HDAC9: variants seen among roughly 807,000 people sequenced by gnomAD.
The protein encoded by HDAC9 is histone deacetylase 9, also known as MEF-2 interacting transcription repressor (MITR) protein.
Under a neutral mutation model 139.4 loss-of-function variants are expected in HDAC9, and 41 were observed. The observed-to-expected ratio is 0.29, with a 90% confidence interval of 0.23 to 0.38. The LOEUF (loss-of-function observed/expected upper bound fraction) is 0.38. Ranked by LOEUF, HDAC9 falls within the 10% of genes least tolerant of loss-of-function variation. The probability of loss-of-function intolerance (pLI) is 1.00; values close to 1 mark genes in which losing one functional copy is unlikely to be tolerated. For missense variants in HDAC9, 1,147 were observed against 1,297.0 expected (o/e 0.88, Z 1.78); for synonymous variants, 517 against 476.2 (o/e 1.09, Z -1.12).
intron 1 of HDAC9, among the ~76,000 whole-genome samples, chr7:18,330,710 GA>G (rs1800854971): frequency 6.6e-6 from 1 of 151,596 alleles, no homozygotes; most frequent in Non-Finnish European, 1.5e-5. Flanking sequence ...ATCCCAGAGT[GA>G]ATTTTTGTAG....
rs536642090 is a variant in HDAC9, at chr7:18,232,337, T to C, written c.25+69988T>C. Among the ~76,000 whole-genome samples, 22 of 152,290 alleles carry C rather than the reference T, an allele frequency of 1.4e-4. 1 individual carries two copies. In the South Asian group the frequency reaches 4.4e-3, roughly 30 times the overall value. On this transcript the variant is annotated intron_variant, in intron 2 of 12. Transcript: ENST00000417496. ...GTAATTATAGCCTTTTATGATAGTC[T>C]GTTTCTTTCCTTGTTACTGTAGTCC...
At chr7:18,777,867 A>T (rs1422047352) in intron 16 of HDAC9, among the ~76,000 whole-genome samples, 8 of 152,096 alleles carry the variant, frequency 5.3e-5, no homozygotes, top group Middle Eastern at 3.4e-3. Flanking sequence ...AAGAGGGCTG[A>T]TTCACAGCCT....
intron 25 of HDAC9, among the ~76,000 whole-genome samples, chr7:18,987,368 T>G (rs1785451190): frequency 6.6e-6 from 1 of 152,246 alleles, no homozygotes; most frequent in Admixed American, 6.5e-5. Context: ...CTGGATTACA[T>G]TTATTGATTT....
intron 1 of HDAC9, among the ~76,000 whole-genome samples, chr7:18,118,635 A>G (rs1445271896): frequency 6.6e-6 from 1 of 152,212 alleles, no homozygotes. Context: ...CATTATGTAC[A>G]GCAGACTATC....
intron 1 of HDAC9, among the ~76,000 whole-genome samples, chr7:18,367,539 C>T (rs1439860516): frequency 1.3e-5 from 2 of 152,088 alleles, no homozygotes; most frequent in African/African-American, 4.8e-5. Flanking sequence ...TTTTTAACTG[C>T]ACTTTAATAT....
chr7:18,648,549 C>T lies in HDAC9; in HGVS notation c.1333C>T (p.Arg445Cys), dbSNP rs780726735. 12 of 1,613,548 alleles carry T rather than the reference C, an allele frequency of 7.4e-6. No individual in the cohort carries two copies. The highest frequency in any genetic ancestry group is 1.3e-5 in the African/African-American group (1 of 74,976). The change falls in exon 11 of 26, where the codon CGT (arginine) becomes TGT (cysteine). Residue 445 changes from arginine to cysteine, a missense_variant. Arg to Cys is a radical substitution (Grantham distance 180). Around this residue, in one of 7 missense-constraint regions of HDAC9, gnomAD observed 264 missense variants for 273.8 expected, o/e 0.96. Coordinates refer to ENST00000686413, the MANE Select transcript of HDAC9 (RefSeq NM_178425.4). ...CATTAGAGGTACCCACAAATTGCCC[C>T]GTCACAGACCCCTGAACCGAACCCA... ...PGIRGTHKLP[R>C]HRPLNRTQSA...
At chr7:18,496,158 G>T (rs187496108) in intron 1 of HDAC9, 104 bp from the exon 2 acceptor site, 1 of 1,428,380 alleles carries the variant, frequency 7.0e-7, no homozygotes, top group Admixed American at 1.9e-5. Flanking sequence ...GGTAGCTCCT[G>T]GGGCCGGTGC....
intron 11 of HDAC9, among the ~76,000 whole-genome samples, chr7:18,664,277 A>G (rs1330414656): frequency 1.3e-5 from 2 of 152,152 alleles, no homozygotes; most frequent in Non-Finnish European, 2.9e-5. Flanking sequence ...CCCAGTAACA[A>G]TGGATGTTAG....
chr7:18,419,080 A>G (rs182512630), intron 1 of HDAC9, among the ~76,000 whole-genome samples: 56 of 152,276 alleles, frequency 3.7e-4, no homozygotes, highest in Admixed American at 1.6e-3. Context: ...CATATAGAAG[A>G]TATGGAAATC....
chr7:18,912,137 AT>A lies in HDAC9; in HGVS notation c.2804-23671del, dbSNP rs371704081. 1.9e-4 allele frequency among the ~76,000 whole-genome samples: 29 copies of A among 152,152 alleles called. No individual in the cohort carries two copies. In the East Asian group the frequency reaches 2.7e-3, roughly 14 times the overall value. ...GGATATCTCTCTCTCTTTACATAGA[AT>A]AATATTTGCTTTACGTATCTGGGTG... is the stretch of plus-strand genomic sequence containing the variant. On this transcript the variant is annotated intron_variant, in intron 22 of 25. Transcript: ENST00000686413.
chr7:18,783,226 T>G (rs1156239562), intron 16 of HDAC9, among the ~76,000 whole-genome samples: 1 of 152,118 alleles, frequency 6.6e-6, no homozygotes, highest in Non-Finnish European at 1.5e-5. Flanking sequence ...TTTCTAATTT[T>G]ACTTCTGGCT....
At chr7:18,831,796 CA>C (rs140010219) in intron 19 of HDAC9, among the ~76,000 whole-genome samples, 5 of 142,350 alleles carry the variant, frequency 3.5e-5, no homozygotes, top group South Asian at 2.3e-4. Context: ...TTTCCGTAGC[CA>C]AAAAAAAAAC....
chr7:18,932,562 G>A (rs897316639), intron 22 of HDAC9, among the ~76,000 whole-genome samples: 8 of 152,008 alleles, frequency 5.3e-5, no homozygotes, highest in Admixed American at 6.6e-5. Flanking sequence ...ATAATCTACT[G>A]CATATTGCAA....
chr7:18,451,423 A>ATATATATATGTGTGTGTGTGTG (rs1792843337), intron 1 of HDAC9, among the ~76,000 whole-genome samples: 2 of 134,328 alleles, frequency 1.5e-5, no homozygotes, highest in African/African-American at 5.8e-5. Context: ...GTGTGTGTGT[A>ATATATATATGTGTGTGTGTGTG]TATATATGTG....
At chr7:18,364,342 G>A (rs1344213799) in intron 1 of HDAC9, among the ~76,000 whole-genome samples, 3 of 151,936 alleles carry the variant, frequency 2.0e-5, no homozygotes, top group Middle Eastern at 3.2e-3. Flanking sequence ...TAAGGTCTGC[G>A]GCACCGGCAT....
chr7:18,879,584 G>A (rs1286693468), intron 22 of HDAC9, among the ~76,000 whole-genome samples: 1 of 152,054 alleles, frequency 6.6e-6, no homozygotes, highest in Admixed American at 6.6e-5. Flanking sequence ...TTCAATAAAT[G>A]GTACTGAGAT....
At chr7:18,644,450 A>G (rs574245842) in intron 8 of HDAC9, among the ~76,000 whole-genome samples, 24 of 152,146 alleles carry the variant, frequency 1.6e-4, no homozygotes, top group Non-Finnish European at 2.9e-4. Flanking sequence ...TGAATTTGCA[A>G]AAAATGAACA....
chr7:18,668,749 CTTGTT>C, intron 12 of HDAC9: 1 of 980,140 alleles, frequency 1.0e-6, no homozygotes, highest in Non-Finnish European at 1.2e-6. Flanking sequence ...AAGGTGATCT[CTTGTT>C]TTGTGTTGTA....
chr7:18,669,468 C>G (rs1795532118), intron 12 of HDAC9, among the ~76,000 whole-genome samples: 1 of 151,784 alleles, frequency 6.6e-6, no homozygotes, highest in South Asian at 2.1e-4. Context: ...TATTCTAAGT[C>G]ACATCAGTAT....
Sources: gnomAD v4.1 joint callset for allele counts (sites outside exome capture counted in the v4.1 genomes callset) on GRCh38, gnomAD v4.1.1 for gene constraint, gnomAD v4.1.1 regional missense constraint, MANE v1.5 for transcripts, NCBI Gene and HGNC (gene_info 2026-07-23, HGNC 2026-07-21) for gene names.